MYT1L: variants seen among roughly 807,000 people sequenced by gnomAD.
MYT1L encodes the protein myelin transcription factor 1-like protein.
A neutral mutation model predicts 126.7 loss-of-function variants in MYT1L; 12 were observed. The observed-to-expected ratio is 0.09, with a 90% CI of 0.06 to 0.15. MYT1L has a LOEUF of 0.15. Ranked by LOEUF, MYT1L falls within the 10% of genes least tolerant of loss-of-function variation. The pLI is 1.00. For missense variants in MYT1L, 979 were observed against 1,585.2 expected, an observed-to-expected ratio of 0.62 and a Z score of 6.49; for synonymous variants, 541 against 604.2, an observed-to-expected ratio of 0.90 and a Z score of 1.53.
rs759528640 is a variant in MYT1L, at chr2:2,192,240, G to A, written c.-420-19252C>T. Among the ~76,000 whole-genome samples, 36 of 152,296 alleles carry A rather than the reference G, an allele frequency of 2.4e-4. No individual in the cohort carries two copies. The Middle Eastern group carries it at 0.01, about 43-fold the overall frequency. ...TAAAACATGCGGTGCTGATGCACTC[G>A]GAGTGCAGTCTGGCGGAACACCATC... On this transcript the variant is annotated intron_variant, in intron 2 of 24. Coordinates refer to ENST00000647738, the MANE Select transcript of MYT1L (RefSeq NM_001303052.2).
rs1202466166 is a variant in MYT1L, at chr2:1,801,544, CG to C, written c.3276+151del. 1.0e-5 allele frequency: 6 copies of C among 589,924 alleles called. No homozygotes were observed. Among genetic ancestry groups the C allele is most frequent in the East Asian group, 8.5e-5 (3 of 35,494 alleles). The allele number at this position is 589,924 out of a possible 1,614,324, so 36.5% of individuals were successfully genotyped here. A position where few individuals can be genotyped will look rare whatever the true frequency, so the allele number is the denominator to read the frequency against. On this transcript the variant is annotated intron_variant, in intron 23 of 24. Coordinates refer to ENST00000647738, the MANE Select transcript of MYT1L (RefSeq NM_001303052.2). This position sits in a 1 kb window ranked among gnomAD's most constrained non-coding sequence, Gnocchi z 4.2. Reference sequence around the variant, plus strand: ...GAACACTGCCACGGAATGGTGTCTGCGGAAGACCAATATCATAAGGTGGAAA... The same window carrying C: ...GAACACTGCCACGGAATGGTGTCTGCGAAGACCAATATCATAAGGTGGAAA...
At position 1,800,693 on chromosome 2, in the gene MYT1L, A is replaced by G. The variant is rs117393619; in HGVS notation, c.3276+1003T>C. 8.7e-4 allele frequency among the ~76,000 whole-genome samples: 133 copies of G among 152,268 alleles called. 4 individuals are homozygous for G. The East Asian group carries it at 0.023, about 27-fold the overall frequency. On this transcript the variant is annotated intron_variant, in intron 23 of 24. Transcript: ENST00000647738. ...AACCTTCCCCAGCCTCAACCTCTGC[A>G]TTTACAGAGCGGGGATAATAAGGGA... is the stretch of plus-strand genomic sequence containing the variant.
chr2:2,238,677 G>A (rs933195556), intron 2 of MYT1L, among the ~76,000 whole-genome samples: 28 of 152,342 alleles, frequency 1.8e-4, no homozygotes, highest in African/African-American at 4.3e-4. Flanking sequence ...TACAATCTCC[G>A]TGTAGGAGCT....
At chr2:2,058,790 A>T (rs1574890836) in intron 3 of MYT1L, among the ~76,000 whole-genome samples, 1 of 152,342 alleles carries the variant, frequency 6.6e-6, no homozygotes, top group East Asian at 1.9e-4. Flanking sequence ...TGGGGAGGAC[A>T]GTTCAGGTAT....
At chr2:1,997,107 G>A (rs930255625) in intron 5 of MYT1L, 84 bp downstream of exon 5, 1 of 146,214 alleles carries the variant, frequency 6.8e-6, no homozygotes, top group Admixed American at 6.9e-5. Context: ...AGAACCGAGT[G>A]TAGACGGGCC....
chr2:2,048,409 G>A (rs1288787408), intron 4 of MYT1L, among the ~76,000 whole-genome samples: 2 of 152,122 alleles, frequency 1.3e-5, no homozygotes, highest in Non-Finnish European at 2.9e-5. Context: ...GGAAACAAGG[G>A]CATTCAAGCT....
intron 2 of MYT1L, among the ~76,000 whole-genome samples, chr2:2,214,231 T>TA (rs539043328): frequency 4.2e-4 from 62 of 146,726 alleles, no homozygotes; most frequent in Middle Eastern, 7.0e-3. Context: ...CAGAATAACC[T>TA]AAAAAAAAAA....
At chr2:2,270,790 T>G (rs1032845942) in intron 2 of MYT1L, among the ~76,000 whole-genome samples, 9 of 152,114 alleles carry the variant, frequency 5.9e-5, no homozygotes, top group African/African-American at 2.2e-4. Flanking sequence ...CAGGATGCCG[T>G]GCCCCCTCCC....
At chr2:2,163,665 G>A (rs965106617) in intron 3 of MYT1L, among the ~76,000 whole-genome samples, 3 of 151,826 alleles carry the variant, frequency 2.0e-5, no homozygotes, top group Admixed American at 2.0e-4. Flanking sequence ...CCAGGAGGCG[G>A]GGCTTGCAGT....
intron 3 of MYT1L, among the ~76,000 whole-genome samples, chr2:2,170,167 C>A (rs574304458): frequency 6.6e-6 from 1 of 152,146 alleles, no homozygotes; most frequent in Non-Finnish European, 1.5e-5. Context: ...GACTGTCATG[C>A]GAGTTTGCAA....
chr2:2,321,680 A>G (rs944422407), intron 1 of MYT1L, among the ~76,000 whole-genome samples: 1 of 152,160 alleles, frequency 6.6e-6, no homozygotes, highest in African/African-American at 2.4e-5. Flanking sequence ...TAGAAATCCT[A>G]TAATGAAAAT....
chr2:1,853,849 T>G (rs2043580250), intron 18 of MYT1L, among the ~76,000 whole-genome samples: 1 of 152,200 alleles, frequency 6.6e-6, no homozygotes, highest in African/African-American at 2.4e-5. Context: ...AGCCAAATAA[T>G]TCAGTGAAAA....
At chr2:2,062,924 C>CACA in intron 3 of MYT1L, among the ~76,000 whole-genome samples, 1 of 152,152 alleles carries the variant, frequency 6.6e-6, no homozygotes, top group East Asian at 1.9e-4. Flanking sequence ...CAAGGGCCAT[C>CACA]GTCTTCCCTG....
intron 14 of MYT1L, chr2:1,902,671 C>A: frequency 4.9e-6 from 1 of 202,308 alleles, no homozygotes; most frequent in Non-Finnish European, 1.0e-5. Flanking sequence ...TGCAGAGCTC[C>A]TCAAAGCTCC....
chr2:2,036,742 T>C (rs1489628478), intron 4 of MYT1L, among the ~76,000 whole-genome samples: 4 of 152,230 alleles, frequency 2.6e-5, no homozygotes, highest in Non-Finnish European at 5.9e-5. Context: ...TTCTAATTGG[T>C]TTCTCCACTG....
At chr2:1,960,405 T>C (rs562349720) in intron 8 of MYT1L, among the ~76,000 whole-genome samples, 33 of 152,212 alleles carry the variant, frequency 2.2e-4, no homozygotes, top group Non-Finnish European at 4.3e-4. Context: ...AAGCCAAAGC[T>C]GGGACTAAAT....
intron 2 of MYT1L, 34 bp from the exon 3 acceptor site, chr2:2,173,022 A>C (rs1258675640): frequency 6.6e-6 from 1 of 152,284 alleles, no homozygotes; most frequent in African/African-American, 2.4e-5. Context: ...AAATACCTTA[A>C]GTAAGAGAAG....
At chr2:2,110,671 C>T (rs2079322126) in intron 3 of MYT1L, among the ~76,000 whole-genome samples, 1 of 151,492 alleles carries the variant, frequency 6.6e-6, no homozygotes, top group African/African-American at 2.4e-5. Flanking sequence ...GGTACTTTTC[C>T]ATCTCCTTTG....
chr2:2,271,472 A>G, intron 2 of MYT1L, among the ~76,000 whole-genome samples: 1 of 152,208 alleles, frequency 6.6e-6, no homozygotes, highest in South Asian at 2.1e-4. Flanking sequence ...TTTGTCTTTA[A>G]ATGCAGATCT....
Sources: allele counts gnomAD v4.1 joint callset (sites outside exome capture counted in the v4.1 genomes callset), GRCh38; gene constraint gnomAD v4.1.1; non-coding constraint Gnocchi (gnomAD v3.1); transcripts MANE v1.5; gene names NCBI Gene and HGNC (gene_info 2026-07-23, HGNC 2026-07-21).